RIOX2: variants seen among roughly 807,000 people sequenced by gnomAD.
RIOX2 encodes 60S ribosomal protein L27a histidine hydroxylase.
RIOX2 carries 43 observed loss-of-function variants against 51.2 expected under a neutral mutation model. The ratio of observed to expected loss-of-function variants is 0.84; its 90% confidence interval spans 0.66 to 1.08. RIOX2 has a LOEUF of 1.08. RIOX2 is among the 50% of genes least tolerant of loss of function. RIOX2 has a pLI of 0.00. For missense variants in RIOX2, 566 were observed against 561.7 expected (o/e 1.01, Z -0.08); for synonymous variants, 226 against 218.5 (o/e 1.03, Z -0.30).
At position 97,945,065 on chromosome 3, in the gene RIOX2, A is replaced by ATGTT; in HGVS notation, c.*115_*118dup. ...TGACCACCTGTAACAGGGAGGTCTCATGTTTGTTAGTAGATACGCAGGTAA... is the reference window on the plus strand; with the variant it reads ...TGACCACCTGTAACAGGGAGGTCTCATGTTTGTTTGTTAGTAGATACGCAGGTAA... On this transcript the variant is annotated 3_prime_UTR_variant, in exon 10 of 10. Transcript: ENST00000394198. 14 of 866,288 alleles carry ATGTT rather than the reference A, an allele frequency of 1.6e-5. No homozygotes were observed. Among genetic ancestry groups the ATGTT allele is most frequent in the Non-Finnish European group, 2.0e-5 (12 of 590,978 alleles). The allele number at this position is 866,288 out of a possible 1,614,324, so 53.7% of individuals were successfully genotyped here.
chr3:97,966,548 T>A (rs1705898597), intron 2 of RIOX2, among the ~76,000 whole-genome samples: 1 of 152,216 alleles, frequency 6.6e-6, no homozygotes. Flanking sequence ...GAAAAAAATT[T>A]AAAAATTTGC....
intron 1 of RIOX2, among the ~76,000 whole-genome samples, chr3:97,970,398 T>C (rs1322136367): frequency 1.3e-5 from 2 of 152,234 alleles, no homozygotes; most frequent in African/African-American, 2.4e-5. Flanking sequence ...ATTATTTCTC[T>C]GATTCTCACA....
At chr3:97,968,365 A>G (rs1333378680) in intron 1 of RIOX2, among the ~76,000 whole-genome samples, 4 of 152,176 alleles carry the variant, frequency 2.6e-5, no homozygotes, top group African/African-American at 9.7e-5. Context: ...CCTTGAAAAA[A>G]CTATAACTTT....
rs1462835650 is a variant in RIOX2, at chr3:97,950,018, A to G, written c.889-3T>C. The stretch of plus-strand genomic sequence containing the variant: ...GCAACAGTTGTGGATTCCACCTGCT[A>G]GGAACACAGAAGTGAGTCCTGGCCC... On this transcript the variant is annotated splice_polypyrimidine_tract_variant and splice_region_variant and intron_variant, in intron 6 of 9. Transcript: ENST00000394198. 6.2e-7 allele frequency: 1 copy of G among 1,613,162 alleles called. No individual in the cohort carries two copies. The highest frequency in any genetic ancestry group is 1.7e-5 in the Admixed American group (1 of 60,006).
At position 97,943,324 on chromosome 3, in the gene RIOX2, C is replaced by CATCCCTAGAAAG. The variant is rs759118961; in HGVS notation, c.*1848_*1859dup. Reference sequence around the variant, plus strand: ...CATTGAAATATTGTGAGAGAATCAACATCCCTAGAAAGATCCCTAGAAAGA... The same window carrying CATCCCTAGAAAG: ...CATTGAAATATTGTGAGAGAATCAACATCCCTAGAAAGATCCCTAGAAAGATCCCTAGAAAGA... On this transcript the variant is annotated 3_prime_UTR_variant, in exon 10 of 10. Transcript: ENST00000394198. The CATCCCTAGAAAG allele has an allele frequency of 2.6e-5, 38 of 1,465,488 alleles. No homozygotes were observed. Among genetic ancestry groups the CATCCCTAGAAAG allele is most frequent in the Non-Finnish European group, 2.8e-5 (29 of 1,047,670 alleles). 90.8% of individuals were successfully genotyped at this position (1,465,488 alleles called of 1,614,324 possible). A position where few individuals can be genotyped will look rare whatever the true frequency, so the allele number is the denominator to read the frequency against.
At position 97,961,966 on chromosome 3, in the gene RIOX2, G is replaced by C. The variant is rs571601983; in HGVS notation, c.433-258C>G. 2.8e-4 allele frequency among the ~76,000 whole-genome samples: 42 copies of C among 152,266 alleles called. No homozygotes were observed. In the South Asian group the frequency reaches 7.9e-3, roughly 29 times the overall value. On this transcript the variant is annotated intron_variant, in intron 2 of 9. Coordinates refer to ENST00000394198, the MANE Select transcript of RIOX2 (RefSeq NM_153182.4). ...AGGTGGGCAATTGGGAGTCCGGAAG[G>C]CTTTTAAGCAGGGAAGGACACAATC...
At chr3:97,967,081 G>A (rs111761809) in intron 2 of RIOX2, 81 bp downstream of exon 2, 105 of 1,431,520 alleles carry the variant, frequency 7.3e-5, no homozygotes, top group African/African-American at 5.2e-4. Context: ...ATCAAACTAC[G>A]TATTCACCCT....
chr3:97,966,470 C>A (rs549411756), intron 2 of RIOX2, among the ~76,000 whole-genome samples: 1 of 152,346 alleles, frequency 6.6e-6, no homozygotes, highest in Non-Finnish European at 1.5e-5. Flanking sequence ...ACTAAATCTG[C>A]ATTTTATAAA....
chr3:97,946,397 A>G (rs1041386854), intron 8 of RIOX2, among the ~76,000 whole-genome samples: 1 of 151,664 alleles, frequency 6.6e-6, no homozygotes, highest in African/African-American at 2.4e-5. Context: ...AATGGTCCCT[A>G]TCTCCCTTCA....
intron 2 of RIOX2, among the ~76,000 whole-genome samples, chr3:97,965,913 G>C (rs1265795538): frequency 1.3e-5 from 2 of 152,200 alleles, no homozygotes; most frequent in Non-Finnish European, 2.9e-5. Context: ...TATTGACGGT[G>C]TCCATATTTT....
chr3:97,970,279 C>T (rs1452368188), intron 1 of RIOX2, among the ~76,000 whole-genome samples: 1 of 152,206 alleles, frequency 6.6e-6, no homozygotes, highest in Non-Finnish European at 1.5e-5. Context: ...ATATAAATTT[C>T]ACTACCCATA....
intron 1 of RIOX2, among the ~76,000 whole-genome samples, chr3:97,970,430 C>A (rs1174380150): frequency 6.6e-6 from 1 of 152,186 alleles, no homozygotes; most frequent in Non-Finnish European, 1.5e-5. Flanking sequence ...GTAAGACAAC[C>A]ATTCCTCTTA....
intron 9 of RIOX2, 177 bp from the exon 10 acceptor site, chr3:97,945,519 A>T: frequency 1.6e-6 from 1 of 622,612 alleles, no homozygotes; most frequent in Non-Finnish European, 2.7e-6. Context: ...AAGGCATCCT[A>T]ATTTATGTAG....
At chr3:97,963,430 G>A (rs1452408598) in intron 2 of RIOX2, among the ~76,000 whole-genome samples, 1 of 152,164 alleles carries the variant, frequency 6.6e-6, no homozygotes, top group Non-Finnish European at 1.5e-5. Context: ...TTTAGCCAAG[G>A]ACCTCTTTAT....
intron 1 of RIOX2, 66 bp downstream of exon 1, chr3:97,972,315 C>A (rs1290465289): frequency 6.6e-6 from 1 of 152,026 alleles, no homozygotes; most frequent in Non-Finnish European, 1.5e-5. Flanking sequence ...CAGCGCGCGC[C>A]CCGCGGGATC....
intron 1 of RIOX2, among the ~76,000 whole-genome samples, chr3:97,968,634 G>A (rs1027793896): frequency 3.3e-5 from 5 of 152,148 alleles, no homozygotes; most frequent in Non-Finnish European, 5.9e-5. Flanking sequence ...CACAACTATT[G>A]ATACTTAGAG....
intron 3 of RIOX2, 43 bp downstream of exon 3, chr3:97,961,546 A>C (rs756611669): frequency 1.3e-6 from 2 of 1,564,232 alleles, no homozygotes; most frequent in East Asian, 2.3e-5. Context: ...GGCTCTCAAC[A>C]ACTCATTCTT....
chr3:97,942,184 C>T lies in RIOX2; in HGVS notation c.*3000G>A. 1 of 1,027,020 alleles carries T rather than the reference C, an allele frequency of 9.7e-7. No individual in the cohort carries two copies. Among genetic ancestry groups the T allele is most frequent in the Non-Finnish European group, 1.4e-6 (1 of 716,734 alleles). The allele number at this position is 1,027,020 out of a possible 1,614,324, so 63.6% of individuals were successfully genotyped here. On this transcript the variant is annotated 3_prime_UTR_variant, in exon 10 of 10. Coordinates refer to ENST00000394198, the MANE Select transcript of RIOX2 (RefSeq NM_153182.4). ...TTTTTTTAGATAAGACACACACACA[C>T]TTCATGTCTATGACTTGTTTACCTA...
Position 97,950,020 on chromosome 3 carries a change from G to C in RIOX2, c.889-5C>G. On this transcript the variant is annotated splice_polypyrimidine_tract_variant and splice_region_variant and intron_variant, in intron 6 of 9. Coordinates refer to ENST00000394198, the MANE Select transcript of RIOX2 (RefSeq NM_153182.4). ...AACAGTTGTGGATTCCACCTGCTAG[G>C]AACACAGAAGTGAGTCCTGGCCCAG... The C allele has an allele frequency of 6.2e-7, 1 of 1,613,034 alleles. No homozygotes were observed. Among genetic ancestry groups the C allele is most frequent in the Non-Finnish European group, 8.5e-7 (1 of 1,179,774 alleles).
Sources: allele counts gnomAD v4.1 joint callset (sites outside exome capture counted in the v4.1 genomes callset), GRCh38; gene constraint gnomAD v4.1.1; transcripts MANE v1.5; gene names NCBI Gene and HGNC (gene_info 2026-07-23, HGNC 2026-07-21).